The following TBPL2 variants were observed in gnomAD, a reference collection of about 807,000 sequenced individuals.
TBPL2 encodes the protein TATA box-binding protein-like 2.
TBPL2 carries 40 observed loss-of-function variants against 38.2 expected under a neutral mutation model. That is an observed-to-expected ratio of 1.05 (90% CI 0.81 to 1.36). The LOEUF (loss-of-function observed/expected upper bound fraction) is 1.36. TBPL2 is among the 40% of genes most tolerant of loss of function. The probability of loss-of-function intolerance (pLI) is 0.00; values close to 1 mark genes in which losing one functional copy is unlikely to be tolerated. For missense variants in TBPL2, 461 were observed against 456.7 expected, an observed-to-expected ratio of 1.01 and a Z score of -0.09; for synonymous variants, 169 against 171.7, an observed-to-expected ratio of 0.98 and a Z score of 0.12.
At chr14:55,423,991 T>A (rs1266507918) in intron 6 of TBPL2, among the ~76,000 whole-genome samples, 168 bp downstream of exon 6, 1 of 152,240 alleles carries the variant, frequency 6.6e-6, no homozygotes, top group Non-Finnish European at 1.5e-5. Context: ...AATGTTGTTT[T>A]AGGTACTGGG....
chr14:55,416,870 G>C (rs943884469), intron 6 of TBPL2, among the ~76,000 whole-genome samples: 1 of 152,144 alleles, frequency 6.6e-6, no homozygotes, highest in Non-Finnish European at 1.5e-5. Flanking sequence ...ACAGTGTCCA[G>C]GTCCAGTATT....
chr14:55,415,020 G>A (rs1885647618), intron 6 of TBPL2, among the ~76,000 whole-genome samples: 1 of 152,216 alleles, frequency 6.6e-6, no homozygotes, highest in African/African-American at 2.4e-5. Context: ...CATAACTGCT[G>A]TAGGAATTAC....
At chr14:55,430,229 C>T (rs1481944015) in intron 4 of TBPL2, among the ~76,000 whole-genome samples, 1 of 152,040 alleles carries the variant, frequency 6.6e-6, no homozygotes, top group Non-Finnish European at 1.5e-5. Context: ...TATTTTTAGG[C>T]TGTAAATCAG....
At chr14:55,428,354 C>G (rs1885866507) in intron 5 of TBPL2, among the ~76,000 whole-genome samples, 1 of 152,026 alleles carries the variant, frequency 6.6e-6, no homozygotes, top group Admixed American at 6.6e-5. Context: ...TGGTCTCGAT[C>G]TCCTGACCTC....
At chr14:55,429,338 G>A (rs1885885498) in intron 4 of TBPL2, among the ~76,000 whole-genome samples, 3 of 152,222 alleles carry the variant, frequency 2.0e-5, no homozygotes, top group African/African-American at 4.8e-5. Context: ...AAAGTCCCAG[G>A]TTCCACCTCA....
chr14:55,427,218 G>A (rs2140171432), intron 5 of TBPL2, among the ~76,000 whole-genome samples: 1 of 151,942 alleles, frequency 6.6e-6, no homozygotes, highest in Admixed American at 6.5e-5. Flanking sequence ...GGGGGAATGG[G>A]AGGACTTTAT....
chr14:55,420,757 G>A (rs773716544), intron 6 of TBPL2, among the ~76,000 whole-genome samples: 16 of 152,024 alleles, frequency 1.1e-4, no homozygotes, highest in Non-Finnish European at 2.9e-5. Context: ...GTAAATGAAA[G>A]CTTTTTAAAA....
chr14:55,417,674 C>T (rs897560689), intron 6 of TBPL2, among the ~76,000 whole-genome samples: 1 of 152,140 alleles, frequency 6.6e-6, no homozygotes, highest in Non-Finnish European at 1.5e-5. Context: ...GTTGCCCAGG[C>T]TGGTCTCAAA....
At chr14:55,421,073 A>G (rs968186714) in intron 6 of TBPL2, among the ~76,000 whole-genome samples, 1 of 151,614 alleles carries the variant, frequency 6.6e-6, no homozygotes, top group African/African-American at 2.4e-5. Flanking sequence ...AAAAAAAAAA[A>G]AAAAAGAAAA....
chr14:55,423,278 A>G (rs1885773057), intron 6 of TBPL2, among the ~76,000 whole-genome samples: 1 of 152,258 alleles, frequency 6.6e-6, no homozygotes, highest in Non-Finnish European at 1.5e-5. Flanking sequence ...AAAGATATTT[A>G]GATACATTGC....
intron 4 of TBPL2, among the ~76,000 whole-genome samples, chr14:55,432,947 A>G (rs1885955201): frequency 6.6e-6 from 1 of 152,194 alleles, no homozygotes; most frequent in African/African-American, 2.4e-5. Flanking sequence ...GAGCTCCTTT[A>G]GAAAGTTCTA....
At chr14:55,436,770 C>A in exon 2 of TBPL2, 1 of 1,614,180 alleles carries the variant, frequency 6.2e-7, no homozygotes, top group Non-Finnish European at 8.5e-7. Context: ...GTGATGGCAA[C>A]CTACTTTGTG....
rs562005978 is a variant in TBPL2 at position 55,423,545 on chromosome 14, G to T, written c.1051+614C>A. ...AACATGTTAGAATGGGTTCAGCAAA[G>T]GTAGGTCTGCTGGCTAAAGCCATCC... On this transcript the variant is annotated intron_variant, in intron 6 of 6. Coordinates refer to ENST00000247219, the Ensembl canonical transcript of TBPL2. Among the ~76,000 whole-genome samples, 9 of 152,336 alleles carry T rather than the reference G, an allele frequency of 5.9e-5. No homozygotes were observed. In the South Asian group the frequency reaches 1.7e-3, roughly 28 times the overall value.
At chr14:55,440,294 C>T in intron 1 of TBPL2, 102 bp downstream of exon 1, 1 of 1,437,684 alleles carries the variant, frequency 7.0e-7, no homozygotes, top group Non-Finnish European at 9.5e-7. Flanking sequence ...AAGCCCGCCT[C>T]TTATGGTCGC....
chr14:55,435,782 A>G (rs1466287636), intron 3 of TBPL2, 65 bp downstream of exon 3: 2 of 1,203,406 alleles, frequency 1.7e-6, no homozygotes, highest in Non-Finnish European at 2.3e-6. Flanking sequence ...CAATATCATG[A>G]TCATATTAAG....
rs753645764 is a variant in TBPL2 at position 55,440,442 on chromosome 14, T to C, written c.104A>G (p.Gln35Arg). The change falls in exon 1 of 7, where the codon CAG becomes CGG. Residue 35 changes from glutamine to arginine, a missense_variant. Coordinates refer to ENST00000247219, the Ensembl canonical transcript of TBPL2. ...GTAGAGCTCCAGGTAGGTCTCCTCC[T>C]GCTCCATGGACCGTAATCCCACTGT... 5.0e-6 allele frequency: 8 copies of C among 1,612,784 alleles called. No homozygotes were observed. In the Admixed American group the frequency reaches 1.2e-4, roughly 24 times the overall value.
At chr14:55,429,443 A>G (rs1885887554) in intron 4 of TBPL2, among the ~76,000 whole-genome samples, 1 of 152,162 alleles carries the variant, frequency 6.6e-6, no homozygotes, top group African/African-American at 2.4e-5. Context: ...GGAACCATTC[A>G]TCCAGTCTCA....
intron 3 of TBPL2, among the ~76,000 whole-genome samples, chr14:55,434,818 C>T (rs1345340508): frequency 6.6e-6 from 1 of 152,232 alleles, no homozygotes; most frequent in African/African-American, 2.4e-5. Flanking sequence ...TTGATGCCTG[C>T]AAGGTCTCTG....
At chr14:55,423,512 G>C (rs1305262385) in intron 6 of TBPL2, among the ~76,000 whole-genome samples, 1 of 152,230 alleles carries the variant, frequency 6.6e-6, no homozygotes, top group African/African-American at 2.4e-5. Context: ...CAATACGTTT[G>C]ATTCAATAAC....
Sources: allele counts gnomAD v4.1 joint callset (sites outside exome capture counted in the v4.1 genomes callset), GRCh38; gene constraint gnomAD v4.1.1; transcripts MANE v1.5; gene names NCBI Gene and HGNC (gene_info 2026-07-23, HGNC 2026-07-21).